HSPH1: variants seen among roughly 807,000 people sequenced by gnomAD.
HSPH1 encodes heat shock protein 105 kDa.
A neutral mutation model predicts 100.0 loss-of-function variants in HSPH1; 40 were observed. That is an observed-to-expected ratio of 0.40 (90% CI 0.31 to 0.52). HSPH1 has a LOEUF of 0.52. Among genes scored for constraint, HSPH1 ranks in the 20% least tolerant of loss-of-function variants. The probability of loss-of-function intolerance (pLI) is 0.54; values close to 1 mark genes in which losing one functional copy is unlikely to be tolerated. For missense variants in HSPH1, 876 were observed against 1,015.1 expected (o/e 0.86, Z 1.86); for synonymous variants, 403 against 344.0 (o/e 1.17, Z -1.90).
intron 2 of HSPH1, among the ~76,000 whole-genome samples, chr13:31,156,186 G>C (rs553035032): frequency 6.6e-5 from 10 of 152,172 alleles, no homozygotes; most frequent in Admixed American, 5.2e-4. Context: ...GTCAGGAGAT[G>C]GAGACCATCC....
intron 12 of HSPH1, among the ~76,000 whole-genome samples, chr13:31,142,674 G>A (rs1440924706): frequency 2.0e-5 from 3 of 152,064 alleles, no homozygotes; most frequent in African/African-American, 4.8e-5. Context: ...ATGAGGAACC[G>A]TCTCCAAAGG....
At chr13:31,140,659 A>G (rs1000264092) in intron 13 of HSPH1, 2 of 178,854 alleles carry the variant, frequency 1.1e-5, no homozygotes, top group Non-Finnish European at 2.3e-5. Context: ...TATAACAGTC[A>G]CACCACTCTG....
chr13:31,141,779 A>G (rs1326913059), intron 12 of HSPH1, among the ~76,000 whole-genome samples: 1 of 141,690 alleles, frequency 7.1e-6, no homozygotes, highest in Non-Finnish European at 1.5e-5. Context: ...GAGTACATAT[A>G]TATATACTCC....
chr13:31,161,201 A>ACCTTGTGC (rs1457421578), intron 1 of HSPH1, among the ~76,000 whole-genome samples: 3 of 152,204 alleles, frequency 2.0e-5, no homozygotes, highest in African/African-American at 7.2e-5. Context: ...AACCCCCAAT[A>ACCTTGTGC]GGAAGCCCGC....
chr13:31,161,377 C>T (rs1225405022), intron 1 of HSPH1, 99 bp downstream of exon 1: 6 of 1,520,546 alleles, frequency 3.9e-6, no homozygotes, highest in African/African-American at 2.7e-5. Flanking sequence ...CAAACGCCTC[C>T]GTTTGCCGCG....
chr13:31,140,241 A>G lies in HSPH1; in HGVS notation c.1923T>C (p.Tyr641=), dbSNP rs1956041218. Residue 641 remains tyrosine (Y), a synonymous_variant, in exon 14 of 18, where the codon TAT becomes TAC. Transcript: ENST00000320027. ...RNDAKNAVEE[Y]VYEFRDKLCG... Reference sequence around the variant, plus strand: ...ACAGCTTGTCTCTGAACTCATACACATATTCCTCAACTGCATTTTTAGCAT... The same window carrying G: ...ACAGCTTGTCTCTGAACTCATACACGTATTCCTCAACTGCATTTTTAGCAT... The G allele has an allele frequency of 1.2e-6, 2 of 1,611,786 alleles. No individual in the cohort carries two copies. Among genetic ancestry groups the G allele is most frequent in the Admixed American group, 3.3e-5 (2 of 59,890 alleles).
rs1955884043 is a variant in HSPH1 at position 31,136,392 on chromosome 13, A to G, written c.*926T>C. 3 of 152,206 alleles carry G rather than the reference A, an allele frequency of 2.0e-5. No individual in the cohort carries two copies. Among genetic ancestry groups the G allele is most frequent in the Non-Finnish European group, 4.4e-5 (3 of 68,044 alleles). The allele number at this position is 152,206 out of a possible 1,614,324, so 9.4% of individuals were successfully genotyped here. A position where few individuals can be genotyped will look rare whatever the true frequency, so the allele number is the denominator to read the frequency against. On this transcript the variant is annotated 3_prime_UTR_variant, in exon 18 of 18. Transcript: ENST00000320027. The stretch of plus-strand genomic sequence containing the variant: ...TCCAAGGATGTATAACGAAGTGTTA[A>G]CAATGTTTTCTTCTGGGTGGCAAGA...
At chr13:31,148,219 TGAGAGAA>T in intron 9 of HSPH1, 127 bp from the exon 10 acceptor site, 1 of 1,131,460 alleles carries the variant, frequency 8.8e-7, no homozygotes, top group Non-Finnish European at 1.3e-6. Flanking sequence ...AATACCAAAA[TGAGAGAA>T]ATATTTTGGT....
intron 13 of HSPH1, 47 bp downstream of exon 13, chr13:31,141,075 G>A (rs1208926283): frequency 1.6e-6 from 2 of 1,249,664 alleles, no homozygotes; most frequent in Middle Eastern, 2.0e-4. Flanking sequence ...TCAGGGCCAA[G>A]AAACTAAACA....
Position 31,144,055 on chromosome 13 carries a change from T to C in HSPH1, c.1585-132A>G, listed in dbSNP as rs898383641. 9 of 728,390 alleles carry C rather than the reference T, an allele frequency of 1.2e-5. No homozygotes were observed. In the African/African-American group the frequency reaches 1.7e-4, roughly 13 times the overall value. The allele number at this position is 728,390 out of a possible 1,614,324, so 45.1% of individuals were successfully genotyped here. On this transcript the variant is annotated intron_variant, in intron 11 of 17. Coordinates refer to ENST00000320027, the MANE Select transcript of HSPH1 (RefSeq NM_006644.4). ...ACAGGTGGGGAGAAAAGGTACTGGA[T>C]AAAAACAAAATGAACAAAGTACTTG... is the stretch of plus-strand genomic sequence containing the variant.
At chr13:31,148,271 TGAC>T in intron 9 of HSPH1, 100 bp downstream of exon 9, 4 of 995,112 alleles carry the variant, frequency 4.0e-6, no homozygotes, top group Non-Finnish European at 4.6e-6. Flanking sequence ...GGTAAATTAA[TGAC>T]TACTAGAGAA....
intron 2 of HSPH1, among the ~76,000 whole-genome samples, chr13:31,157,839 G>C (rs1469790044): frequency 6.6e-6 from 1 of 152,120 alleles, no homozygotes; most frequent in African/African-American, 2.4e-5. Flanking sequence ...TAAGAGATTA[G>C]ATTAATTTCA....
intron 10 of HSPH1, among the ~76,000 whole-genome samples, chr13:31,146,336 AAAGGT>A (rs1385481424): frequency 2.0e-5 from 3 of 152,190 alleles, no homozygotes; most frequent in Non-Finnish European, 4.4e-5. Flanking sequence ...AAAAACTTTC[AAAGGT>A]AAGGGCACTC....
intron 4 of HSPH1, among the ~76,000 whole-genome samples, chr13:31,153,708 G>A (rs1956569852): frequency 6.6e-6 from 1 of 151,984 alleles, no homozygotes; most frequent in South Asian, 2.1e-4. Context: ...TTTCAAAGTT[G>A]TCCAAAATAT....
intron 5 of HSPH1, 40 bp downstream of exon 5, chr13:31,152,812 T>G (rs1956536003): frequency 7.8e-7 from 1 of 1,288,154 alleles, no homozygotes; most frequent in Non-Finnish European, 1.1e-6. Context: ...TCTTTAGTTC[T>G]GATAGTATAT....
intron 11 of HSPH1, among the ~76,000 whole-genome samples, chr13:31,144,494 C>A (rs7981866): frequency 6.6e-6 from 1 of 152,124 alleles, no homozygotes; most frequent in Non-Finnish European, 1.5e-5. Flanking sequence ...AGAATAAATG[C>A]TACACATTAA....
At position 31,161,724 on chromosome 13, in the gene HSPH1, G is replaced by A. The variant is rs763993720; in HGVS notation, c.-142C>T. The A allele has an allele frequency of 2.7e-5, 42 of 1,534,216 alleles. No individual in the cohort carries two copies. Among genetic ancestry groups the A allele is most frequent in the East Asian group, 2.0e-4 (8 of 40,890 alleles). On this transcript the variant is annotated 5_prime_UTR_variant, in exon 1 of 18. Coordinates refer to ENST00000320027, the MANE Select transcript of HSPH1 (RefSeq NM_006644.4). Reference sequence around the variant, plus strand: ...TGGCCGTTCCTCTGACACTCAGAAGGACACACAGACAGCCGCGGCCTGTCA... The same window carrying A: ...TGGCCGTTCCTCTGACACTCAGAAGAACACACAGACAGCCGCGGCCTGTCA...
At chr13:31,154,830 T>C in intron 3 of HSPH1, 75 bp from the exon 4 acceptor site, 1 of 1,244,488 alleles carries the variant, frequency 8.0e-7, no homozygotes, top group South Asian at 1.4e-5. Context: ...TTCCAAAAAT[T>C]AGCACACATT....
chr13:31,153,129 T>G (rs1221550523), intron 4 of HSPH1, among the ~76,000 whole-genome samples, 178 bp from the exon 5 acceptor site: 2 of 152,180 alleles, frequency 1.3e-5, no homozygotes, highest in African/African-American at 4.8e-5. Flanking sequence ...AGTAACTACT[T>G]TTGAAAAGGC....
Sources: allele counts gnomAD v4.1 joint callset (sites outside exome capture counted in the v4.1 genomes callset), GRCh38; gene constraint gnomAD v4.1.1; transcripts MANE v1.5; gene names NCBI Gene and HGNC (gene_info 2026-07-23, HGNC 2026-07-21).